Variants in DIP2C observed in about 807,000 individuals in gnomAD.
DIP2C encodes disco-interacting protein 2 homolog C.
DIP2C carries 33 observed loss-of-function variants against 192.4 expected under a neutral mutation model. The ratio of observed to expected loss-of-function variants is 0.17; its 90% CI spans 0.13 to 0.23. DIP2C has a LOEUF of 0.23. Among genes scored for constraint, DIP2C ranks in the 10% least tolerant of loss-of-function variants. The pLI is 1.00. For missense variants in DIP2C, 1,537 were observed against 2,110.1 expected (o/e 0.73, Z 5.32); for synonymous variants, 979 against 864.1 (o/e 1.13, Z -2.33).
rs563069060 is a variant in DIP2C at position 583,225 on chromosome 10, T to C, written c.86-96695A>G. The stretch of plus-strand genomic sequence containing the variant: ...TGCATCTGCAAACGCAGTTTTCTTC[T>C]GAAAAGCCAAGGGGCATGCAAAGCA... On this transcript the variant is annotated intron_variant, in intron 1 of 36. Coordinates refer to ENST00000280886, the MANE Select transcript of DIP2C (RefSeq NM_014974.3). 4.0e-5 allele frequency among the ~76,000 whole-genome samples: 6 copies of C among 151,354 alleles called. No individual in the cohort carries two copies. The South Asian group carries it at 6.2e-4, about 16-fold the overall frequency.
chr10:499,218 C>G (rs549794725), intron 1 of DIP2C, among the ~76,000 whole-genome samples: 14 of 152,336 alleles, frequency 9.2e-5, no homozygotes, highest in African/African-American at 3.4e-4. Flanking sequence ...TCAATGGCTA[C>G]ACAGCTGAGG....
At chr10:508,915 A>G (rs1268808757) in intron 1 of DIP2C, among the ~76,000 whole-genome samples, 2 of 152,138 alleles carry the variant, frequency 1.3e-5, no homozygotes, top group African/African-American at 4.8e-5. Context: ...CTCTGACCCG[A>G]CCGTCCACCT....
chr10:395,574 A>T (rs998595795), intron 10 of DIP2C, among the ~76,000 whole-genome samples: 1 of 152,230 alleles, frequency 6.6e-6, no homozygotes, highest in Non-Finnish European at 1.5e-5. Context: ...TGGTTGGCAC[A>T]GTAAAGGTTT....
At chr10:599,340 T>G (rs866129351) in intron 1 of DIP2C, among the ~76,000 whole-genome samples, 1 of 152,234 alleles carries the variant, frequency 6.6e-6, no homozygotes, top group Admixed American at 6.5e-5. Flanking sequence ...GAGTTTCTCC[T>G]ATTATCCATG....
intron 1 of DIP2C, among the ~76,000 whole-genome samples, chr10:656,615 G>T (rs907639502): frequency 2.0e-5 from 3 of 152,282 alleles, no homozygotes; most frequent in Admixed American, 1.3e-4. Flanking sequence ...GGGCTTTTCT[G>T]TAAGTCCTTT....
At chr10:433,699 AAATT>A (rs1423194905) in intron 4 of DIP2C, among the ~76,000 whole-genome samples, 6 of 152,140 alleles carry the variant, frequency 3.9e-5, no homozygotes, top group Non-Finnish European at 5.9e-5. Context: ...TAAAATAAAT[AAATT>A]AGTGTTAACA....
At chr10:441,069 T>C in intron 3 of DIP2C, 73 bp from the exon 4 acceptor site, 1 of 1,528,596 alleles carries the variant, frequency 6.5e-7, no homozygotes, top group Non-Finnish European at 8.8e-7. Context: ...CTCCTCTCTG[T>C]CCCTGCAGCA....
intron 1 of DIP2C, among the ~76,000 whole-genome samples, chr10:653,406 C>G (rs1226581339): frequency 6.6e-6 from 1 of 152,174 alleles, no homozygotes; most frequent in Non-Finnish European, 1.5e-5. Context: ...TGAGATCACA[C>G]CACTGCACTC....
intron 1 of DIP2C, among the ~76,000 whole-genome samples, chr10:619,101 G>GA (rs1853665822): frequency 6.6e-6 from 1 of 152,158 alleles, no homozygotes; most frequent in African/African-American, 2.4e-5. Context: ...TCAGTTATGT[G>GA]AGGAAAGGCA....
chr10:629,960 C>CTCCCCACGAGGGCGGCCTAT (rs1339949181), intron 1 of DIP2C: 15 of 152,292 alleles, frequency 9.8e-5, no homozygotes, highest in Admixed American at 8.5e-4. Context: ...ACGAACTTGG[C>CTCCCCACGAGGGCGGCCTAT]TCCCCACGAG....
chr10:543,321 G>A (rs776905026), intron 1 of DIP2C, among the ~76,000 whole-genome samples: 7 of 152,260 alleles, frequency 4.6e-5, no homozygotes, highest in Non-Finnish European at 7.3e-5. Context: ...TCAGTAGCGA[G>A]AACGTACACA....
At chr10:535,624 G>A (rs1232029847) in intron 1 of DIP2C, among the ~76,000 whole-genome samples, 3 of 152,104 alleles carry the variant, frequency 2.0e-5, no homozygotes, top group African/African-American at 7.2e-5. Context: ...ACTCGTCACT[G>A]CTGACCTCAA....
intron 32 of DIP2C, among the ~76,000 whole-genome samples, chr10:308,540 T>A (rs1956429222): frequency 6.6e-6 from 1 of 152,244 alleles, no homozygotes; most frequent in Non-Finnish European, 1.5e-5. Context: ...GTCAGGTGAA[T>A]TTGTTTTAAT....
intron 1 of DIP2C, among the ~76,000 whole-genome samples, chr10:499,946 C>G (rs555759999): frequency 2.6e-5 from 4 of 152,358 alleles, no homozygotes; most frequent in African/African-American, 9.6e-5. Context: ...CTCCAGTAAC[C>G]TGACCCTGCC....
intron 1 of DIP2C, among the ~76,000 whole-genome samples, chr10:675,008 T>C (rs1023599919): frequency 1.3e-5 from 2 of 152,038 alleles, no homozygotes; most frequent in African/African-American, 4.8e-5. Flanking sequence ...CCTCAGCACA[T>C]GGAACATTCT....
chr10:546,231 G>A (rs956722087), intron 1 of DIP2C, among the ~76,000 whole-genome samples: 13 of 147,306 alleles, frequency 8.8e-5, no homozygotes, highest in African/African-American at 1.5e-4. Context: ...GAAGTGAGCC[G>A]AGGTCACGCC....
intron 26 of DIP2C, among the ~76,000 whole-genome samples, chr10:347,636 T>C (rs1345086283): frequency 8.7e-6 from 1 of 114,388 alleles, no homozygotes. Context: ...CCCAGACACA[T>C]CGCGCATAGT....
At chr10:683,955 T>A (rs899360941) in intron 1 of DIP2C, among the ~76,000 whole-genome samples, 6 of 152,278 alleles carry the variant, frequency 3.9e-5, no homozygotes, top group African/African-American at 1.4e-4. Context: ...GCAAGTCCAG[T>A]GTGAGGCAGA....
rs61437915 is a variant in DIP2C, at chr10:548,911, C to CAAAAAAAAAAAAAAAAAA, written c.86-62399_86-62382dup. On this transcript the variant is annotated intron_variant, in intron 1 of 36. Transcript: ENST00000280886. Reference sequence around the variant, plus strand: ...CATTGCAGGAAAAAATAGCAGCTCACAAAAAAAAAAAAAAAAAAAAAAAAA... The same window carrying CAAAAAAAAAAAAAAAAAA: ...CATTGCAGGAAAAAATAGCAGCTCACAAAAAAAAAAAAAAAAAAAAAAAAAAAAAAAAAAAAAAAAAAA... Among the ~76,000 whole-genome samples the CAAAAAAAAAAAAAAAAAA allele has an allele frequency of 6.0e-4, 16 of 26,456 alleles. 1 individual carries two copies. The highest frequency in any genetic ancestry group is 2.0e-3 in the African/African-American group (15 of 7,422). The allele number at this position is 26,456 out of a possible 152,430, so 17.4% of individuals were successfully genotyped here. A position where few individuals can be genotyped will look rare whatever the true frequency, so the allele number is the denominator to read the frequency against.
Sources: allele counts gnomAD v4.1 joint callset (sites outside exome capture counted in the v4.1 genomes callset), GRCh38; gene constraint gnomAD v4.1.1; transcripts MANE v1.5; gene names NCBI Gene and HGNC (gene_info 2026-07-23, HGNC 2026-07-21).